Variants in PTPRM observed in about 807,000 individuals in gnomAD.
PTPRM encodes the protein protein tyrosine phosphatase receptor type M, also known as receptor-type tyrosine-protein phosphatase mu.
In PTPRM, 47 loss-of-function variants were observed where a neutral mutation model predicts 186.7. That is an observed-to-expected ratio of 0.25 (90% confidence interval 0.20 to 0.32). The LOEUF is 0.32. PTPRM is among the 10% of genes least tolerant of loss of function. PTPRM has a pLI of 1.00. For missense variants in PTPRM, 1,494 were observed against 1,865.0 expected, an observed-to-expected ratio of 0.80 and a Z score of 3.66; for synonymous variants, 668 against 674.9, an observed-to-expected ratio of 0.99 and a Z score of 0.16.
rs191225011 is a variant in PTPRM at position 7,835,192 on chromosome 18, T to C, written c.197-52914T>C. 4.0e-5 allele frequency among the ~76,000 whole-genome samples: 6 copies of C among 149,108 alleles called. No individual in the cohort carries two copies. In the South Asian group the frequency reaches 8.3e-4, roughly 21 times the overall value. ...AATTATTCGTTTGACATTTTTCTTTTTTTTTTTTTTTGTTGTAGGCACTTA... is the reference window on the plus strand; with the variant it reads ...AATTATTCGTTTGACATTTTTCTTTCTTTTTTTTTTTGTTGTAGGCACTTA... On this transcript the variant is annotated intron_variant, in intron 2 of 32. Transcript: ENST00000580170.
intron 13 of PTPRM, among the ~76,000 whole-genome samples, chr18:8,115,624 A>G (rs1038597785): frequency 2.6e-5 from 4 of 152,246 alleles, no homozygotes; most frequent in African/African-American, 4.8e-5. Context: ...TGGAGTAACC[A>G]TGAATACAGT....
At chr18:8,171,148 C>A (rs1479686952) in intron 14 of PTPRM, among the ~76,000 whole-genome samples, 1 of 152,172 alleles carries the variant, frequency 6.6e-6, no homozygotes, top group African/African-American at 2.4e-5. Flanking sequence ...AAACACAAAT[C>A]TCATTCATTC....
chr18:8,315,301 G>A (rs920685039), intron 21 of PTPRM, among the ~76,000 whole-genome samples: 9 of 152,076 alleles, frequency 5.9e-5, no homozygotes, highest in Admixed American at 1.3e-4. Context: ...CTAATACGGC[G>A]ATTTGCAATC....
At chr18:7,811,924 G>C (rs1344862813) in intron 2 of PTPRM, among the ~76,000 whole-genome samples, 1 of 152,206 alleles carries the variant, frequency 6.6e-6, no homozygotes, top group Non-Finnish European at 1.5e-5. Flanking sequence ...AGACTGGATA[G>C]ATTAATACCC....
intron 16 of PTPRM, 37 bp from the exon 17 acceptor site, chr18:8,248,113 A>C (rs762612905): frequency 6.6e-7 from 1 of 1,519,320 alleles, no homozygotes; most frequent in African/African-American, 1.4e-5. Context: ...TTCTCTTTTT[A>C]CTTTCTCTGC....
At chr18:7,722,438 A>G (rs1280304962) in intron 1 of PTPRM, among the ~76,000 whole-genome samples, 1 of 152,224 alleles carries the variant, frequency 6.6e-6, no homozygotes, top group Non-Finnish European at 1.5e-5. Context: ...ACCGTACACC[A>G]TCATAAAATC....
At chr18:8,155,797 T>A (rs999947290) in intron 14 of PTPRM, among the ~76,000 whole-genome samples, 11 of 152,202 alleles carry the variant, frequency 7.2e-5, no homozygotes, top group African/African-American at 2.7e-4. Context: ...GTGAGGTAGT[T>A]TCTTTCCACT....
intron 8 of PTPRM, among the ~76,000 whole-genome samples, chr18:8,074,723 G>GTCC (rs2089699536): frequency 6.6e-6 from 1 of 152,032 alleles, no homozygotes; most frequent in African/African-American, 2.4e-5. Context: ...GTTTATTCAG[G>GTCC]TCCTTTGCCC....
chr18:8,359,304 C>T (rs1018432464), intron 23 of PTPRM, among the ~76,000 whole-genome samples: 8 of 152,240 alleles, frequency 5.3e-5, no homozygotes, highest in African/African-American at 1.2e-4. Flanking sequence ...TCTCCTGGCT[C>T]CTCCAGGTAA....
At position 7,798,294 on chromosome 18, in the gene PTPRM, G is replaced by T. The variant is rs151029376; in HGVS notation, c.196+24023G>T. Among the ~76,000 whole-genome samples, 730 of 152,222 alleles carry T rather than the reference G, an allele frequency of 4.8e-3. 12 individuals are homozygous for T. The East Asian group carries it at 0.067, about 14-fold the overall frequency. On this transcript the variant is annotated intron_variant, in intron 2 of 32. Coordinates refer to ENST00000580170, the MANE Select transcript of PTPRM (RefSeq NM_001105244.2). ...TCCTGTAATCCCAGCACTTTGGGAG[G>T]CCGGGGTGGGCAGATCACAGGGTCA...
At chr18:8,015,580 T>G (rs2084807905) in intron 7 of PTPRM, among the ~76,000 whole-genome samples, 1 of 68,018 alleles carries the variant, frequency 1.5e-5, no homozygotes, top group Non-Finnish European at 4.5e-5. Flanking sequence ...CCTTGCTTAC[T>G]TTGATAGGGC....
intron 4 of PTPRM, among the ~76,000 whole-genome samples, chr18:7,919,999 A>C (rs140945344): frequency 0.013 from 1,983 of 152,130 alleles, 19 homozygotes; most frequent in South Asian, 0.032. Context: ...ATAAACATAG[A>C]TACTCCTCCT....
chr18:8,092,877 C>T (rs570053636), intron 11 of PTPRM, among the ~76,000 whole-genome samples: 242 of 152,168 alleles, frequency 1.6e-3, no homozygotes, highest in African/African-American at 5.4e-3. Flanking sequence ...GCAGTCCCAA[C>T]CTAGGCATGG....
At chr18:7,623,796 G>A (rs2037995932) in intron 1 of PTPRM, among the ~76,000 whole-genome samples, 2 of 152,096 alleles carry the variant, frequency 1.3e-5, no homozygotes, top group Non-Finnish European at 2.9e-5. Context: ...CCCAGAACAA[G>A]CATGTGAGGT....
intron 1 of PTPRM, among the ~76,000 whole-genome samples, chr18:7,723,206 A>G (rs201810887): frequency 2.0e-5 from 3 of 151,804 alleles, no homozygotes; most frequent in Non-Finnish European, 2.9e-5. Flanking sequence ...CCTACAGGCT[A>G]TTAACAGGCT....
At position 8,406,511 on chromosome 18, in the gene PTPRM, T is replaced by A; in HGVS notation, c.*349T>A. On this transcript the variant is annotated 3_prime_UTR_variant, in exon 33 of 33. Coordinates refer to ENST00000580170, the MANE Select transcript of PTPRM (RefSeq NM_001105244.2). ...ATTTTGTGGCCCGTGACCCTCGTTA[T>A]TGTTACAGCTGAGTGTATGTTTTTG... 1 of 227,294 alleles carries A rather than the reference T, an allele frequency of 4.4e-6. No individual in the cohort carries two copies. Among genetic ancestry groups the A allele is most frequent in the South Asian group, 8.8e-5 (1 of 11,418 alleles). 14.1% of individuals were successfully genotyped at this position (227,294 alleles called of 1,614,324 possible).
chr18:8,031,436 A>T (rs1216320022), intron 7 of PTPRM, among the ~76,000 whole-genome samples: 2 of 152,226 alleles, frequency 1.3e-5, no homozygotes, highest in Non-Finnish European at 2.9e-5. Flanking sequence ...GTCAACAAAC[A>T]CGGCAATAAT....
At chr18:8,126,024 TATA>T (rs1269479659) in intron 13 of PTPRM, among the ~76,000 whole-genome samples, 6 of 44,622 alleles carry the variant, frequency 1.3e-4, no homozygotes, top group East Asian at 1.0e-3. Flanking sequence ...TATATATATA[TATA>T]TTTTAAATCA....
At chr18:7,898,886 AC>A (rs2049511275) in intron 3 of PTPRM, among the ~76,000 whole-genome samples, 2 of 152,190 alleles carry the variant, frequency 1.3e-5, no homozygotes, top group African/African-American at 4.8e-5. Flanking sequence ...TGAATACTGA[AC>A]TACTTCTATA....
Sources: gnomAD v4.1 joint callset for allele counts (sites outside exome capture counted in the v4.1 genomes callset) on GRCh38, gnomAD v4.1.1 for gene constraint, MANE v1.5 for transcripts, NCBI Gene and HGNC (gene_info 2026-07-23, HGNC 2026-07-21) for gene names.